The following LARS2 variants were observed in gnomAD, a reference collection of about 807,000 sequenced individuals.
LARS2 encodes the protein leucyl-tRNA synthetase 2, mitochondrial.
LARS2 carries 81 observed loss-of-function variants against 116.6 expected under a neutral mutation model. The observed-to-expected ratio is 0.69, with a 90% CI of 0.58 to 0.84. The LOEUF is 0.84. LARS2 is among the 40% of genes least tolerant of loss of function. The pLI, the probability that LARS2 is intolerant of heterozygous loss-of-function variation, is 0.00. For missense variants in LARS2, 968 were observed against 1,114.5 expected, an observed-to-expected ratio of 0.87 and a Z score of 1.87; for synonymous variants, 396 against 407.2, an observed-to-expected ratio of 0.97 and a Z score of 0.33.
At chr3:45,426,583 T>G (rs2125691963) in intron 6 of LARS2, among the ~76,000 whole-genome samples, 1 of 152,304 alleles carries the variant, frequency 6.6e-6, no homozygotes, top group East Asian at 1.9e-4. Flanking sequence ...TGTTGACACA[T>G]AAGGGGTAGT....
rs1410459770 is a variant in LARS2 at position 45,517,985 on chromosome 3, G to C, written c.2127G>C (p.Gly709=). 11 of 1,613,858 alleles carry C rather than the reference G, an allele frequency of 6.8e-6. No homozygotes were observed. The South Asian group carries it at 1.1e-4, about 16-fold the overall frequency. ...TTRFIEARAS[G]KSPQPQLLSN... ...GGTTTATTGAGGCCAGGGCTTCTGG[G>C]AAGTCTCCCCAGCCTCAGCTGCTGA... Residue 709 remains glycine, a synonymous_variant, in exon 18 of 22, where the codon GGG becomes GGC. Coordinates refer to ENST00000645846, the MANE Select transcript of LARS2 (RefSeq NM_015340.4).
chr3:45,505,501 C>A (rs567485302), intron 15 of LARS2, among the ~76,000 whole-genome samples: 3 of 149,598 alleles, frequency 2.0e-5, no homozygotes, highest in Non-Finnish European at 4.4e-5. Flanking sequence ...GCCTAGGCAA[C>A]GTAGTGAGAC....
intron 4 of LARS2, among the ~76,000 whole-genome samples, chr3:45,417,177 C>T (rs1698439123): frequency 6.6e-6 from 1 of 150,834 alleles, no homozygotes; most frequent in Admixed American, 6.6e-5. Context: ...CTGAAAGAAA[C>T]TCTTTATAAT....
intron 14 of LARS2, 151 bp downstream of exon 14, chr3:45,496,524 G>GCT: frequency 1.5e-6 from 1 of 681,014 alleles, no homozygotes; most frequent in African/African-American, 1.8e-5. Flanking sequence ...GGCAGAGAGT[G>GCT]CTCTTAGACC....
chr3:45,540,782 A>G (rs1318987259), intron 20 of LARS2, among the ~76,000 whole-genome samples: 4 of 151,524 alleles, frequency 2.6e-5, no homozygotes, highest in African/African-American at 9.7e-5. Flanking sequence ...CTATCTATCT[A>G]TCTATCTATC....
At chr3:45,407,569 A>T (rs1266890560) in intron 4 of LARS2, among the ~76,000 whole-genome samples, 1 of 152,182 alleles carries the variant, frequency 6.6e-6, no homozygotes, top group East Asian at 1.9e-4. Flanking sequence ...AATCTGTAAT[A>T]ATGGTGAGTT....
intron 20 of LARS2, among the ~76,000 whole-genome samples, chr3:45,535,806 A>G (rs1700697580): frequency 6.6e-6 from 1 of 152,102 alleles, no homozygotes; most frequent in African/African-American, 2.4e-5. Context: ...TATTAAACTG[A>G]TGGAATCCAA....
At chr3:45,415,847 C>CAAAAAAA (rs386396517) in intron 4 of LARS2, among the ~76,000 whole-genome samples, 1 of 90,488 alleles carries the variant, frequency 1.1e-5, no homozygotes, top group African/African-American at 4.2e-5. Flanking sequence ...GACTCCATCT[C>CAAAAAAA]AAAAAAAAAA....
intron 7 of LARS2, among the ~76,000 whole-genome samples, chr3:45,449,052 G>A (rs560707231): frequency 1.3e-5 from 2 of 152,298 alleles, no homozygotes; most frequent in South Asian, 4.1e-4. Flanking sequence ...CAAGGTGCCG[G>A]CCTCTGGCAA....
intron 6 of LARS2, among the ~76,000 whole-genome samples, chr3:45,434,785 G>A (rs1209501041): frequency 6.6e-6 from 1 of 152,218 alleles, no homozygotes; most frequent in Non-Finnish European, 1.5e-5. Context: ...TATGGAGTCC[G>A]GGATCTCCAC....
chr3:45,472,037 G>A (rs761726149), intron 8 of LARS2, among the ~76,000 whole-genome samples: 2 of 152,158 alleles, frequency 1.3e-5, no homozygotes, highest in Non-Finnish European at 2.9e-5. Flanking sequence ...ACAACATAAA[G>A]TTACTCTGAT....
chr3:45,527,934 A>G (rs1032709425), intron 20 of LARS2, among the ~76,000 whole-genome samples: 2 of 152,248 alleles, frequency 1.3e-5, no homozygotes, highest in African/African-American at 2.4e-5. Flanking sequence ...AGGCCTAGCT[A>G]TAATTGTCAG....
intron 7 of LARS2, among the ~76,000 whole-genome samples, chr3:45,458,251 G>A (rs1248195119): frequency 6.6e-6 from 1 of 152,074 alleles, no homozygotes; most frequent in Non-Finnish European, 1.5e-5. Flanking sequence ...CAAGCCTATT[G>A]TAATAAGATG....
At chr3:45,520,605 T>C (rs1048872294) in intron 19 of LARS2, among the ~76,000 whole-genome samples, 2 of 152,202 alleles carry the variant, frequency 1.3e-5, no homozygotes, top group Non-Finnish European at 2.9e-5. Context: ...CAGGCCTCCC[T>C]GTCTTCTGGC....
intron 18 of LARS2, 129 bp downstream of exon 18, chr3:45,518,201 G>T (rs754226712): frequency 1.5e-6 from 1 of 650,804 alleles, no homozygotes; most frequent in Non-Finnish European, 2.6e-6. Context: ...TGGCAATGGC[G>T]GTCCTTCTTG....
chr3:45,520,412 G>A (rs988840458), intron 19 of LARS2, 116 bp downstream of exon 19: 1 of 692,726 alleles, frequency 1.4e-6, no homozygotes, highest in South Asian at 1.7e-5. Flanking sequence ...CCGCCTCAGT[G>A]TGGCTTGATT....
chr3:45,423,761 T>A (rs1698550612), intron 6 of LARS2, among the ~76,000 whole-genome samples: 2 of 152,222 alleles, frequency 1.3e-5, no homozygotes. Flanking sequence ...TGAACATTTT[T>A]AAAACTTTGT....
chr3:45,394,735 G>A (rs1698015459), intron 3 of LARS2, 48 bp downstream of exon 3: 1 of 1,352,728 alleles, frequency 7.4e-7, no homozygotes, highest in East Asian at 2.3e-5. Context: ...GGGGTTGAAG[G>A]TTTGGACCCT....
chr3:45,442,902 G>A (rs1362741075), intron 6 of LARS2, among the ~76,000 whole-genome samples: 4 of 152,144 alleles, frequency 2.6e-5, no homozygotes, highest in Non-Finnish European at 5.9e-5. Flanking sequence ...CTCACAGATC[G>A]GGGTTTCTCC....
Sources: allele counts gnomAD v4.1 joint callset (sites outside exome capture counted in the v4.1 genomes callset), GRCh38; gene constraint gnomAD v4.1.1; transcripts MANE v1.5; gene names NCBI Gene and HGNC (gene_info 2026-07-23, HGNC 2026-07-21).